The following CUL5 variants were observed in gnomAD, a reference collection of about 807,000 sequenced individuals.
The protein encoded by CUL5 is cullin-5.
Under a neutral mutation model 108.8 loss-of-function variants are expected in CUL5, and 26 were observed. That is an observed-to-expected ratio of 0.24 (90% CI 0.18 to 0.33). The LOEUF is 0.33. Ranked by LOEUF, CUL5 falls within the 10% of genes least tolerant of loss-of-function variation. The pLI is 1.00. For missense variants in CUL5, 524 were observed against 909.2 expected (o/e 0.58, Z 5.45); for synonymous variants, 334 against 298.0 (o/e 1.12, Z -1.25).
At chr11:108,009,478 G>GT in intron 1 of CUL5, 106 bp downstream of exon 1, 1 of 1,251,372 alleles carries the variant, frequency 8.0e-7, no homozygotes, top group African/African-American at 1.5e-5. Flanking sequence ...GTGTTCAGGG[G>GT]TTGTCCACTG....
At chr11:108,009,795 C>T (rs989654064) in intron 1 of CUL5, among the ~76,000 whole-genome samples, 2 of 152,178 alleles carry the variant, frequency 1.3e-5, no homozygotes, top group African/African-American at 4.8e-5. Context: ...ACTCGACCCC[C>T]CACTTCTTCC....
chr11:108,047,701 C>T (rs983953166), intron 3 of CUL5, among the ~76,000 whole-genome samples: 1 of 152,112 alleles, frequency 6.6e-6, no homozygotes, highest in Non-Finnish European at 1.5e-5. Flanking sequence ...TTTTCAAGCA[C>T]TTAGAAAATT....
At chr11:108,097,881 C>T (rs117203985) in intron 17 of CUL5, 127 bp downstream of exon 17, 3 of 565,532 alleles carry the variant, frequency 5.3e-6, no homozygotes, top group Non-Finnish European at 9.4e-6. Context: ...TCTAAACTTA[C>T]ATCATTTAGT....
At chr11:108,058,623 G>A (rs1863459809) in intron 7 of CUL5, among the ~76,000 whole-genome samples, 1 of 151,666 alleles carries the variant, frequency 6.6e-6, no homozygotes, top group African/African-American at 2.4e-5. Flanking sequence ...TGCTTCTCCT[G>A]CTGCTTTTAC....
At chr11:108,040,611 C>CAAAAAAAA (rs71047667) in intron 2 of CUL5, among the ~76,000 whole-genome samples, 1 of 112,712 alleles carries the variant, frequency 8.9e-6, no homozygotes, top group Non-Finnish European at 1.8e-5. Context: ...GACTCCGTCT[C>CAAAAAAAA]AAAAAAAAAA....
At chr11:108,017,205 A>G (rs1324879439) in intron 1 of CUL5, among the ~76,000 whole-genome samples, 1 of 151,996 alleles carries the variant, frequency 6.6e-6, no homozygotes, top group South Asian at 2.1e-4. Context: ...CCTGAACAGC[A>G]TGGTGAAACT....
In CUL5 at chr11:108,073,405, G is replaced by C. The variant is rs1413939086; in HGVS notation, c.1021G>C (p.Val341Leu). ...TTGTTTCTAGGACTCTGAGAAATAC[G>C]TTGAGCAGTTACTTACACTATTTAA... ...ETITTDSEKY[V>L]EQLLTLFNRF... The change falls in exon 10 of 19, where the codon GTT becomes CTT. Residue 341 changes from valine (V) to leucine (L), a missense_variant. By Grantham distance (32) the Val-to-Leu change is conservative. This residue lies in a region of CUL5 where 27 missense variants were observed against 21.3 expected (regional missense o/e 1.27). Coordinates refer to ENST00000393094, the MANE Select transcript of CUL5 (RefSeq NM_003478.6). 2 of 1,553,008 alleles carry C rather than the reference G, an allele frequency of 1.3e-6. No homozygotes were observed. The highest frequency in any genetic ancestry group is 1.8e-6 in the Non-Finnish European group (2 of 1,139,204).
intron 7 of CUL5, among the ~76,000 whole-genome samples, chr11:108,056,140 C>T (rs941794953): frequency 6.6e-6 from 1 of 152,030 alleles, no homozygotes; most frequent in African/African-American, 2.4e-5. Flanking sequence ...TTTTCTTTTA[C>T]GTGGAGGACT....
At chr11:108,063,951 CGTT>C (rs956122342) in intron 7 of CUL5, among the ~76,000 whole-genome samples, 1 of 152,128 alleles carries the variant, frequency 6.6e-6, no homozygotes, top group Non-Finnish European at 1.5e-5. Flanking sequence ...GATGATGTCT[CGTT>C]GTAGGTAATA....
intron 7 of CUL5, among the ~76,000 whole-genome samples, chr11:108,057,327 A>G (rs1459502367): frequency 1.3e-5 from 2 of 152,150 alleles, no homozygotes; most frequent in East Asian, 3.9e-4. Flanking sequence ...GGCACTTGGC[A>G]GTAACGGTCA....
intron 3 of CUL5, among the ~76,000 whole-genome samples, chr11:108,047,653 TGTA>T (rs1443157482): frequency 6.6e-6 from 1 of 152,212 alleles, no homozygotes; most frequent in Non-Finnish European, 1.5e-5. Flanking sequence ...TTTTTTAAAT[TGTA>T]GTTTTATAGG....
At chr11:108,032,169 A>C (rs573663998) in intron 1 of CUL5, among the ~76,000 whole-genome samples, 1 of 152,306 alleles carries the variant, frequency 6.6e-6, no homozygotes, top group African/African-American at 2.4e-5. Context: ...CCAAACTTAA[A>C]AGTTAAAGAA....
At chr11:108,063,332 T>C (rs1478015917) in intron 7 of CUL5, among the ~76,000 whole-genome samples, 1 of 152,188 alleles carries the variant, frequency 6.6e-6, no homozygotes, top group Non-Finnish European at 1.5e-5. Context: ...TTATTTCACC[T>C]AACACAGTGT....
intron 7 of CUL5, among the ~76,000 whole-genome samples, chr11:108,066,653 A>G (rs77322682): frequency 0.01 from 1,564 of 152,244 alleles, 33 homozygotes; most frequent in African/African-American, 0.036. Context: ...CGTGGTAACT[A>G]TTGTTTCTAC....
chr11:108,100,833 A>C (rs571351204), intron 18 of CUL5, among the ~76,000 whole-genome samples: 1 of 152,142 alleles, frequency 6.6e-6, no homozygotes, highest in Non-Finnish European at 1.5e-5. Flanking sequence ...GATCGAGACC[A>C]TCCTGGCCAA....
chr11:108,018,900 T>C (rs1377757065), intron 1 of CUL5, among the ~76,000 whole-genome samples: 2 of 152,080 alleles, frequency 1.3e-5, no homozygotes, highest in Non-Finnish European at 2.9e-5. Flanking sequence ...AGCTGTGTGG[T>C]ATTGGGCAAG....
rs1864761555 is a variant in CUL5, at chr11:108,105,126, A to G, written c.*742A>G. On this transcript the variant is annotated 3_prime_UTR_variant, in exon 19 of 19. Coordinates refer to ENST00000393094, the MANE Select transcript of CUL5 (RefSeq NM_003478.6). ...GTTTTGAAAAATGAAGCTTATATTA[A>G]TTGTTGCTTCAATAGTTTAAAAAAT... The G allele has an allele frequency of 6.6e-6, 1 of 152,200 alleles. No homozygotes were observed. The highest frequency in any genetic ancestry group is 1.5e-5 in the Non-Finnish European group (1 of 67,976). 9.4% of individuals were successfully genotyped at this position (152,200 alleles called of 1,614,324 possible). A position where few individuals can be genotyped will look rare whatever the true frequency, so the allele number is the denominator to read the frequency against.
chr11:108,035,072 G>A lies in CUL5; in HGVS notation c.134+1161G>A, dbSNP rs530240415. The stretch of plus-strand genomic sequence containing the variant: ...GTACCAGGAGGGGTGACAGGAAAGA[G>A]AGAACTAGAGTCAGGTTATTAAATC... On this transcript the variant is annotated intron_variant, in intron 2 of 18. Transcript: ENST00000393094. 2.5e-3 allele frequency among the ~76,000 whole-genome samples: 384 copies of A among 152,276 alleles called. 2 individuals carry two copies. The highest frequency in any genetic ancestry group is 8.6e-3 in the African/African-American group (356 of 41,540).
At chr11:108,032,421 T>C (rs996812978) in intron 1 of CUL5, among the ~76,000 whole-genome samples, 1 of 152,100 alleles carries the variant, frequency 6.6e-6, no homozygotes, top group Non-Finnish European at 1.5e-5. Context: ...GGCAGGAGAA[T>C]TGCTTGAGCC....
Sources: gnomAD v4.1 joint callset for allele counts (sites outside exome capture counted in the v4.1 genomes callset) on GRCh38, gnomAD v4.1.1 for gene constraint, gnomAD v4.1.1 regional missense constraint, MANE v1.5 for transcripts, NCBI Gene and HGNC (gene_info 2026-07-23, HGNC 2026-07-21) for gene names.